Variants in SLC16A14 observed in about 807,000 individuals in gnomAD.
SLC16A14 encodes solute carrier family 16 member 14.
Under a neutral mutation model 35.8 loss-of-function variants are expected in SLC16A14, and 14 were observed. That is an observed-to-expected ratio of 0.39 (90% CI 0.26 to 0.61). The LOEUF is 0.61. Ranked by LOEUF, SLC16A14 falls within the 20% of genes least tolerant of loss-of-function variation. The pLI, the probability that SLC16A14 is intolerant of heterozygous loss-of-function variation, is 0.51. For synonymous variants in SLC16A14, 248 were observed against 258.9 expected, an observed-to-expected ratio of 0.96 and a Z score of 0.40; for missense variants, 533 against 655.0, an observed-to-expected ratio of 0.81 and a Z score of 2.03.
Position 230,059,267 on chromosome 2 carries a change from TC to T in SLC16A14, c.85del (p.Asp29MetfsTer7). 1 of 1,614,084 alleles carries T rather than the reference TC, an allele frequency of 6.2e-7. No individual in the cohort carries two copies. Among genetic ancestry groups the T allele is most frequent in the Non-Finnish European group, 8.5e-7 (1 of 1,179,936 alleles). On this transcript the variant is annotated frameshift_variant, in exon 2 of 5. Coordinates refer to ENST00000295190, the MANE Select transcript of SLC16A14 (RefSeq NM_152527.5). LOFTEE classifies it high-confidence loss of function. The stretch of plus-strand genomic sequence containing the variant: ...CACCATCATCCAAGCCCATCCGCCA[TC>T]AATGTTTGGGTGGGGCTTCAGTGTC... ...KKTLKPHPNI[D>X]GGWAWMMVLS... is the part of the protein sequence containing the mutation.
At chr2:230,063,371 C>T (rs1463608835) in intron 1 of SLC16A14, among the ~76,000 whole-genome samples, 1 of 151,796 alleles carries the variant, frequency 6.6e-6, no homozygotes, top group African/African-American at 2.4e-5. Context: ...AGCACCTTCT[C>T]CCAGCTATTA....
chr2:230,039,807 C>T (rs750455495), intron 4 of SLC16A14, among the ~76,000 whole-genome samples: 3 of 152,164 alleles, frequency 2.0e-5, no homozygotes. Context: ...TTTCAAATGG[C>T]TGAAACAAGT....
intron 2 of SLC16A14, among the ~76,000 whole-genome samples, chr2:230,051,632 TTA>T (rs2077660461): frequency 2.0e-5 from 3 of 152,250 alleles, no homozygotes; most frequent in African/African-American, 4.8e-5. Flanking sequence ...CATATTTTAA[TTA>T]TCTTATTTTT....
chr2:230,039,690 A>G (rs61655412), intron 4 of SLC16A14, among the ~76,000 whole-genome samples: 4,756 of 152,286 alleles, frequency 0.031, 231 homozygotes, highest in African/African-American at 0.11. Context: ...TCATCTCCAT[A>G]GGAAAGCTGA....
At position 230,037,293 on chromosome 2, in the gene SLC16A14, C is replaced by G; in HGVS notation, c.*87G>C. 1 of 1,322,420 alleles carries G rather than the reference C, an allele frequency of 7.6e-7. No individual in the cohort carries two copies. The highest frequency in any genetic ancestry group is 2.5e-5 in the East Asian group (1 of 39,928). 81.9% of individuals were successfully genotyped at this position (1,322,420 alleles called of 1,614,324 possible). On this transcript the variant is annotated 3_prime_UTR_variant, in exon 5 of 5. Transcript: ENST00000295190. ...TGCCAGTTACCGTACAAAATGCTTT[C>G]CCACGTCCTGTCATAGGTGCCTCAC...
intron 4 of SLC16A14, among the ~76,000 whole-genome samples, chr2:230,040,823 A>G (rs187460085): frequency 1.5e-3 from 230 of 152,296 alleles, no homozygotes; most frequent in African/African-American, 4.9e-3. Context: ...CTGCTAGTTT[A>G]AATTCAAACC....
chr2:230,054,091 G>GA (rs2077685508), intron 2 of SLC16A14, among the ~76,000 whole-genome samples: 3 of 151,794 alleles, frequency 2.0e-5, no homozygotes, highest in South Asian at 2.1e-4. Flanking sequence ...TGAGGTGGGG[G>GA]GGGAAGTTAA....
intron 1 of SLC16A14, among the ~76,000 whole-genome samples, chr2:230,061,629 C>A (rs1420224331): frequency 6.6e-6 from 1 of 152,110 alleles, no homozygotes; most frequent in Non-Finnish European, 1.5e-5. Flanking sequence ...CTTGGAGATT[C>A]TAGTTTACAA....
chr2:230,046,366 C>T lies in SLC16A14; in HGVS notation c.760G>A (p.Gly254Arg), dbSNP rs754868546. The T allele has an allele frequency of 4.3e-6, 7 of 1,614,056 alleles. No individual in the cohort carries two copies. The highest frequency in any genetic ancestry group is 2.7e-5 in the African/African-American group (2 of 74,942). Residue 254 changes from glycine (G) to arginine (R), a missense_variant, in exon 4 of 5, where the codon GGG becomes AGG. Physicochemically the swap from Gly to Arg is moderately radical, Grantham distance 125. Coordinates refer to ENST00000295190, the MANE Select transcript of SLC16A14 (RefSeq NM_152527.5). The surrounding 1 kb of genome is among the most constrained non-coding windows in gnomAD (Gnocchi z 5.0). ...AGGTCGCAGAGGGTCTCCTCGTTCCCGAGCCCACCATCCTTCTCTTCTGTT... is the reference window on the plus strand; with the variant it reads ...AGGTCGCAGAGGGTCTCCTCGTTCCTGAGCCCACCATCCTTCTCTTCTGTT... ...GRTEEKDGGL[G>R]NEETLCDLQA...
intron 2 of SLC16A14, among the ~76,000 whole-genome samples, chr2:230,056,816 G>C (rs1355901619): frequency 6.8e-6 from 1 of 147,604 alleles, no homozygotes; most frequent in East Asian, 2.1e-4. Flanking sequence ...GCTGCAGTGA[G>C]TTACGATTGT....
chr2:230,039,087 C>T (rs867775714), intron 4 of SLC16A14, among the ~76,000 whole-genome samples: 4 of 151,316 alleles, frequency 2.6e-5, no homozygotes, highest in African/African-American at 7.3e-5. Flanking sequence ...CCAGTCCCTC[C>T]GACTTCCTGG....
chr2:230,050,229 A>C (rs1409789702), intron 2 of SLC16A14, among the ~76,000 whole-genome samples: 2 of 152,208 alleles, frequency 1.3e-5, no homozygotes, highest in East Asian at 3.8e-4. Context: ...AAAGTCTAAA[A>C]AATGTCTGGA....
intron 2 of SLC16A14, among the ~76,000 whole-genome samples, chr2:230,050,851 A>T (rs184811968): frequency 9.3e-4 from 141 of 152,314 alleles, no homozygotes; most frequent in Non-Finnish European, 1.5e-3. Flanking sequence ...TTTTGCAGAT[A>T]AGGAAACTGA....
At position 230,052,391 on chromosome 2, in the gene SLC16A14, C is replaced by T. The variant is rs139093955; in HGVS notation, c.260-2487G>A. 5.5e-3 allele frequency among the ~76,000 whole-genome samples: 839 copies of T among 152,236 alleles called. 8 individuals carry two copies. Among genetic ancestry groups the T allele is most frequent in the African/African-American group, 0.02 (812 of 41,544 alleles). On this transcript the variant is annotated intron_variant, in intron 2 of 4. Transcript: ENST00000295190. ...GAGATACTTGTCTGATTTCTTTACA[C>T]ATTTTTATTTTTGTTTTTCTAAACC...
In SLC16A14 at chr2:230,046,972, C is replaced by T. The variant is rs952852468; in HGVS notation, c.404-250G>A. Among the ~76,000 whole-genome samples, 1 of 152,212 alleles carries T rather than the reference C, an allele frequency of 6.6e-6. No individual in the cohort carries two copies. Among genetic ancestry groups the T allele is most frequent in the Non-Finnish European group, 1.5e-5 (1 of 68,038 alleles). ...TTTGCTGCACAAGTTCCTCCAATAACAAAATGGAGCAGCATTCTCCCATCA... is the reference window on the plus strand; with the variant it reads ...TTTGCTGCACAAGTTCCTCCAATAATAAAATGGAGCAGCATTCTCCCATCA... On this transcript the variant is annotated intron_variant, in intron 3 of 4. Transcript: ENST00000295190. This position sits in a 1 kb window ranked among gnomAD's most constrained non-coding sequence, Gnocchi z 5.0.
chr2:230,049,254 AT>A (rs2077636982), intron 3 of SLC16A14, among the ~76,000 whole-genome samples: 1 of 100,424 alleles, frequency 1.0e-5, no homozygotes, highest in Non-Finnish European at 2.2e-5. Flanking sequence ...TTTTTTTTGT[AT>A]TTTCAGTAGA....
intron 3 of SLC16A14, 29 bp downstream of exon 3, chr2:230,049,732 A>G (rs1336487950): frequency 3.1e-6 from 5 of 1,605,374 alleles, no homozygotes; most frequent in Non-Finnish European, 4.3e-6. Context: ...AACATTTAAA[A>G]TCGAGTTTAA....
At chr2:230,048,092 T>TTA (rs1383922046) in intron 3 of SLC16A14, among the ~76,000 whole-genome samples, 4 of 152,210 alleles carry the variant, frequency 2.6e-5, no homozygotes, top group East Asian at 1.9e-4. Flanking sequence ...CTCGTATGTT[T>TTA]TATATATATA....
chr2:230,044,704 T>TTGTGTGTGTGTGTGTG (rs751868776), intron 4 of SLC16A14, among the ~76,000 whole-genome samples: 18 of 132,600 alleles, frequency 1.4e-4, no homozygotes, highest in African/African-American at 5.1e-4. Flanking sequence ...AAGTCTGTAT[T>TTGTGTGTGTGTGTGTG]TGTGTGTGTG....
Sources: allele counts gnomAD v4.1 joint callset (sites outside exome capture counted in the v4.1 genomes callset), GRCh38; gene constraint gnomAD v4.1.1; non-coding constraint Gnocchi (gnomAD v3.1); transcripts MANE v1.5; gene names NCBI Gene and HGNC (gene_info 2026-07-23, HGNC 2026-07-21).